The following BRF1 variants were observed in gnomAD, a reference collection of about 807,000 sequenced individuals.
BRF1 encodes BRF1 general transcription factor IIIB subunit.
Under a neutral mutation model 81.7 loss-of-function variants are expected in BRF1, and 59 were observed. That is an observed-to-expected ratio of 0.72 (90% CI 0.59 to 0.90). The LOEUF is 0.90. Among genes scored for constraint, BRF1 ranks in the 40% least tolerant of loss-of-function variants. BRF1 has a pLI of 0.00. For synonymous variants in BRF1, 491 were observed against 395.6 expected (o/e 1.24, Z -2.86); for missense variants, 1,050 against 936.3 (o/e 1.12, Z -1.58).
intron 15 of BRF1, chr14:105,212,904 A>C (rs1248736540): frequency 2.0e-5 from 3 of 152,258 alleles, no homozygotes; most frequent in Non-Finnish European, 4.4e-5. Context: ...GACACTGGGA[A>C]GGGACCCCAT....
intron 3 of BRF1, among the ~76,000 whole-genome samples, chr14:105,261,860 C>T (rs76752037): frequency 0.046 from 6,957 of 152,344 alleles, 222 homozygotes; most frequent in Middle Eastern, 0.1. Context: ...GAAACCCACA[C>T]CTTCTGGAGA....
chr14:105,218,029 T>C (rs980404277), intron 14 of BRF1, among the ~76,000 whole-genome samples: 1 of 151,996 alleles, frequency 6.6e-6, no homozygotes, highest in African/African-American at 2.4e-5. Context: ...CTGGCATGGG[T>C]GCTGGCAGGG....
At chr14:105,275,073 A>G (rs972426646) in intron 2 of BRF1, among the ~76,000 whole-genome samples, 2 of 152,222 alleles carry the variant, frequency 1.3e-5, no homozygotes, top group East Asian at 1.9e-4. Context: ...GATTTATTTG[A>G]TAAGGGCACA....
chr14:105,261,707 A>C (rs1285408442), intron 3 of BRF1, among the ~76,000 whole-genome samples: 1 of 152,240 alleles, frequency 6.6e-6, no homozygotes, highest in Non-Finnish European at 1.5e-5. Flanking sequence ...TTGTATATAG[A>C]GCCCCACAGA....
At position 105,246,909 on chromosome 14, in the gene BRF1, C is replaced by T. The variant is rs184822359; in HGVS notation, c.545-5495G>A. 7.7e-5 allele frequency: 76 copies of T among 985,496 alleles called. 1 individual carries two copies. In the East Asian group the frequency reaches 8.3e-3, roughly 107 times the overall value. 61.0% of individuals were successfully genotyped at this position (985,496 alleles called of 1,614,324 possible). A position where few individuals can be genotyped will look rare whatever the true frequency, so the allele number is the denominator to read the frequency against. On this transcript the variant is annotated intron_variant, in intron 5 of 17. Coordinates refer to ENST00000547530, the MANE Select transcript of BRF1 (RefSeq NM_001519.4). ...TCTATCCTGGCACCCCCGGAGACAG[C>T]TGTCGCCCAGGTCTTGTGTGCTGCT... is the stretch of plus-strand genomic sequence containing the variant.
rs2056556880 is a variant in BRF1, at chr14:105,269,267, C to T, written c.439+3454G>A. ...GGCTGGGAAGTGAGGGCTACAGCTA[C>T]CCGAGACCAGCCCGAAGCATCCTCT... On this transcript the variant is annotated intron_variant, in intron 3 of 17. Coordinates refer to ENST00000547530, the MANE Select transcript of BRF1 (RefSeq NM_001519.4). The surrounding 1 kb of genome is among the most constrained non-coding windows in gnomAD (Gnocchi z 5.0). 6.6e-6 allele frequency among the ~76,000 whole-genome samples: 1 copy of T among 152,096 alleles called. No individual in the cohort carries two copies. The highest frequency in any genetic ancestry group is 1.5e-5 in the Non-Finnish European group (1 of 68,000).
chr14:105,295,175 G>T (rs1035024946), intron 1 of BRF1, among the ~76,000 whole-genome samples: 1 of 151,958 alleles, frequency 6.6e-6, no homozygotes, highest in African/African-American at 2.4e-5. Flanking sequence ...ACCCTCAACA[G>T]AACATCCGGC....
intron 10 of BRF1, among the ~76,000 whole-genome samples, chr14:105,223,464 C>T (rs973708565): frequency 2.0e-5 from 3 of 152,254 alleles, no homozygotes; most frequent in African/African-American, 4.8e-5. Flanking sequence ...TGCTGAAGGA[C>T]TACCGACTGC....
chr14:105,224,081 A>G (rs1485044323), intron 10 of BRF1, among the ~76,000 whole-genome samples: 2 of 152,234 alleles, frequency 1.3e-5, no homozygotes, highest in Non-Finnish European at 1.5e-5. Flanking sequence ...GCCTTTAAAA[A>G]TCCATCTGTA....
intron 1 of BRF1, among the ~76,000 whole-genome samples, chr14:105,287,512 G>A (rs2057359883): frequency 6.6e-6 from 1 of 152,108 alleles, no homozygotes. Flanking sequence ...CAATCGGGAC[G>A]CGCAGACAAC....
chr14:105,275,467 T>C (rs932438382), intron 2 of BRF1, among the ~76,000 whole-genome samples: 1 of 152,218 alleles, frequency 6.6e-6, no homozygotes, highest in Non-Finnish European at 1.5e-5. Flanking sequence ...CCTGCACATG[T>C]GCAGCACCAG....
At chr14:105,267,473 T>G (rs963503558) in intron 3 of BRF1, among the ~76,000 whole-genome samples, 2 of 151,770 alleles carry the variant, frequency 1.3e-5, no homozygotes, top group East Asian at 1.9e-4. Context: ...GGATTTTTTT[T>G]TTTGTTTTCT....
At position 105,210,578 on chromosome 14, in the gene BRF1, A is replaced by G. The variant is rs150636332; in HGVS notation, c.2007T>C (p.Cys669=). The stretch of plus-strand genomic sequence containing the variant: ...AGTAGCCGTCGTCCTCATCGCCATC[A>G]CAGCCATAGTCTGCAGAAGAGCACA... ...LQMMGSNDYG[C]DGDEDDGY Residue 669 remains cysteine, a synonymous_variant, in exon 18 of 18, where the codon TGT becomes TGC. Coordinates refer to ENST00000547530, the MANE Select transcript of BRF1 (RefSeq NM_001519.4). This position sits in a 1 kb window ranked among gnomAD's most constrained non-coding sequence, Gnocchi z 4.7. 73 of 1,611,164 alleles carry G rather than the reference A, an allele frequency of 4.5e-5. 1 individual carries two copies. In the Admixed American group the frequency reaches 8.5e-4, roughly 19 times the overall value.
At chr14:105,241,056 G>T (rs1022167171) in intron 6 of BRF1, among the ~76,000 whole-genome samples, 1 of 152,224 alleles carries the variant, frequency 6.6e-6, no homozygotes, top group Admixed American at 6.5e-5. Flanking sequence ...TGCCCCTTAT[G>T]CCAGGACACG....
chr14:105,249,493 C>A lies in BRF1; in HGVS notation c.544+3014G>T, dbSNP rs753336338. The A allele has an allele frequency of 2.9e-6, 3 of 1,019,062 alleles. No individual in the cohort carries two copies. In the South Asian group the frequency reaches 3.8e-5, roughly 13 times the overall value. The allele number at this position is 1,019,062 out of a possible 1,614,324, so 63.1% of individuals were successfully genotyped here. A position where few individuals can be genotyped will look rare whatever the true frequency, so the allele number is the denominator to read the frequency against. ...ATCCTCTTAAAGTAAGTCCACTCTA[C>A]TGGGGAGGGACGGGTGGGTCCGTTT... On this transcript the variant is annotated intron_variant, in intron 5 of 17. Transcript: ENST00000547530.
intron 7 of BRF1, 31 bp downstream of exon 7, chr14:105,228,789 G>C (rs1225840014): frequency 2.5e-6 from 4 of 1,610,910 alleles, no homozygotes; most frequent in African/African-American, 2.7e-5. Flanking sequence ...GCCTCTGTGT[G>C]GTCCCCATGC....
At chr14:105,225,423 C>T (rs1467466009) in intron 10 of BRF1, among the ~76,000 whole-genome samples, 3 of 152,140 alleles carry the variant, frequency 2.0e-5, no homozygotes, top group Non-Finnish European at 2.9e-5. Context: ...GCTTATACCC[C>T]CTCCCTTTGG....
At chr14:105,229,640 G>T (rs1418819228) in intron 6 of BRF1, among the ~76,000 whole-genome samples, 7 of 151,060 alleles carry the variant, frequency 4.6e-5, no homozygotes, top group Non-Finnish European at 1.0e-4. Flanking sequence ...GCCCAGCTGG[G>T]GGCGGGGGAC....
At chr14:105,254,302 G>C (rs2055760651) in intron 4 of BRF1, among the ~76,000 whole-genome samples, 1 of 152,218 alleles carries the variant, frequency 6.6e-6, no homozygotes, top group Non-Finnish European at 1.5e-5. Context: ...TGTCGCCCAG[G>C]CTGGAGTGCA....
Sources: allele counts gnomAD v4.1 joint callset (sites outside exome capture counted in the v4.1 genomes callset), GRCh38; gene constraint gnomAD v4.1.1; non-coding constraint Gnocchi (gnomAD v3.1); transcripts MANE v1.5; gene names NCBI Gene and HGNC (gene_info 2026-07-23, HGNC 2026-07-21).